The following MOCOS variants were observed in gnomAD, a reference collection of about 807,000 sequenced individuals.
MOCOS encodes human molybdenum cofactor sulfurase.
MOCOS carries 86 observed loss-of-function variants against 83.6 expected under a neutral mutation model. That is an observed-to-expected ratio of 1.03 (90% CI 0.86 to 1.23). The LOEUF (loss-of-function observed/expected upper bound fraction) is 1.23. Ranked by LOEUF, MOCOS falls within the 50% of genes most tolerant of loss-of-function variation. The pLI is 0.00. For synonymous variants in MOCOS, 445 were observed against 434.7 expected (o/e 1.02, Z -0.29); for missense variants, 1,120 against 1,126.9 (o/e 0.99, Z 0.09).
chr18:36,209,640 C>A (rs1369690393), intron 6 of MOCOS, among the ~76,000 whole-genome samples: 1 of 152,158 alleles, frequency 6.6e-6, no homozygotes, highest in East Asian at 1.9e-4. Flanking sequence ...GCCTCCAGCT[C>A]CATTCAAGTT....
chr18:36,258,658 C>T (rs1255174160), intron 12 of MOCOS, among the ~76,000 whole-genome samples: 2 of 152,084 alleles, frequency 1.3e-5, no homozygotes, highest in Non-Finnish European at 2.9e-5. Flanking sequence ...GAGGATTTAC[C>T]TCACACCAAC....
At chr18:36,259,498 A>G (rs2091654646) in intron 12 of MOCOS, among the ~76,000 whole-genome samples, 1 of 151,786 alleles carries the variant, frequency 6.6e-6, no homozygotes, top group African/African-American at 2.4e-5. Flanking sequence ...GTTACACTGC[A>G]AATAGAATGG....
intron 8 of MOCOS, among the ~76,000 whole-genome samples, chr18:36,217,988 C>G (rs617505): frequency 1.3e-5 from 2 of 151,844 alleles, no homozygotes; most frequent in African/African-American, 4.8e-5. Flanking sequence ...TATACCAGAA[C>G]GGTCAACCCA....
intron 9 of MOCOS, among the ~76,000 whole-genome samples, chr18:36,234,857 G>A (rs747107484): frequency 1.3e-5 from 2 of 152,162 alleles, no homozygotes; most frequent in African/African-American, 4.8e-5. Flanking sequence ...TGGCAAGAGA[G>A]AGAAGGGCAA....
intron 9 of MOCOS, among the ~76,000 whole-genome samples, chr18:36,235,887 G>A (rs1440614821): frequency 1.3e-5 from 2 of 151,600 alleles, no homozygotes; most frequent in Non-Finnish European, 2.9e-5. Context: ...GCCAGTGATG[G>A]TGAGCATTTT....
chr18:36,193,040 G>A (rs920944416), intron 1 of MOCOS, among the ~76,000 whole-genome samples: 4 of 151,934 alleles, frequency 2.6e-5, no homozygotes, highest in African/African-American at 7.3e-5. Flanking sequence ...GGCCGGGCGC[G>A]GTGGCTCACG....
At position 36,270,774 on chromosome 18, in the gene MOCOS, T is replaced by C. The variant is rs2091696799; in HGVS notation, c.*2089T>C. The C allele has an allele frequency of 6.6e-6, 1 of 151,700 alleles. No individual in the cohort carries two copies. The highest frequency in any genetic ancestry group is 1.5e-5 in the Non-Finnish European group (1 of 67,960). 9.4% of individuals were successfully genotyped at this position (151,700 alleles called of 1,614,324 possible). Reference sequence around the variant, plus strand: ...CAAGAATATGTTTTTCTTATCCACGTCTATGTCACCTTTTGCAGTAGATAC... The same window carrying C: ...CAAGAATATGTTTTTCTTATCCACGCCTATGTCACCTTTTGCAGTAGATAC... On this transcript the variant is annotated 3_prime_UTR_variant, in exon 15 of 15. Transcript: ENST00000261326.
chr18:36,245,605 G>A (rs1448515042), intron 9 of MOCOS, among the ~76,000 whole-genome samples: 2 of 152,116 alleles, frequency 1.3e-5, no homozygotes, highest in Non-Finnish European at 2.9e-5. Context: ...ATGTGCCTAG[G>A]TAATAATCCT....
chr18:36,254,253 A>G (rs528068966), intron 11 of MOCOS, among the ~76,000 whole-genome samples: 22 of 152,306 alleles, frequency 1.4e-4, no homozygotes, highest in Non-Finnish European at 2.5e-4. Flanking sequence ...TCATACTAAA[A>G]TTTTTACGTT....
intron 4 of MOCOS, among the ~76,000 whole-genome samples, chr18:36,202,336 GTAGAGATGGGGTCTTGCTATC>G (rs1386458265): frequency 7.9e-5 from 12 of 152,018 alleles, no homozygotes; most frequent in South Asian, 2.1e-4. Flanking sequence ...AAATTTTTTT[GTAGAGATGGGGTCTTGCTATC>G]TAGAGATGGG....
At position 36,249,006 on chromosome 18, in the gene MOCOS, ACT is replaced by A; in HGVS notation, c.2039+9_2039+10del. 1 of 1,613,524 alleles carries A rather than the reference ACT, an allele frequency of 6.2e-7. No individual in the cohort carries two copies. Among genetic ancestry groups the A allele is most frequent in the Non-Finnish European group, 8.5e-7 (1 of 1,179,508 alleles). ...AGCAGGGTCTGTGCTGACAGGTGAGACTCTGAAGCACGTGAAAATCTCAGCTT... is the reference window on the plus strand; with the variant it reads ...AGCAGGGTCTGTGCTGACAGGTGAGACTGAAGCACGTGAAAATCTCAGCTT... On this transcript the variant is annotated splice_region_variant and intron_variant, in intron 10 of 14. Coordinates refer to ENST00000261326, the MANE Select transcript of MOCOS (RefSeq NM_017947.4).
chr18:36,233,231 A>G (rs1377426012), intron 9 of MOCOS, among the ~76,000 whole-genome samples: 3 of 152,164 alleles, frequency 2.0e-5, no homozygotes, highest in Non-Finnish European at 4.4e-5. Context: ...ATGTCTTTAT[A>G]TCCCCATAGC....
At chr18:36,207,782 A>G (rs1262600501) in intron 6 of MOCOS, among the ~76,000 whole-genome samples, 2 of 151,882 alleles carry the variant, frequency 1.3e-5, no homozygotes. Flanking sequence ...TGCTGTGCCA[A>G]TGTTCATTAG....
At chr18:36,235,671 G>A (rs1463980964) in intron 9 of MOCOS, among the ~76,000 whole-genome samples, 1 of 151,350 alleles carries the variant, frequency 6.6e-6, no homozygotes, top group East Asian at 1.9e-4. Flanking sequence ...TGGGTCAAAT[G>A]GTATTTCTAG....
At chr18:36,190,977 C>A (rs1352123553) in intron 1 of MOCOS, among the ~76,000 whole-genome samples, 1 of 144,194 alleles carries the variant, frequency 6.9e-6, no homozygotes, top group African/African-American at 2.6e-5. Context: ...CAAGATTGAG[C>A]CCCTGCACTC....
At chr18:36,259,448 CAAAAA>C (rs397858504) in intron 12 of MOCOS, among the ~76,000 whole-genome samples, 6 of 92,422 alleles carry the variant, frequency 6.5e-5, no homozygotes, top group African/African-American at 2.6e-4. Flanking sequence ...GACCTTGTCT[CAAAAA>C]AAAAAAAAAA....
intron 7 of MOCOS, 21 bp from the exon 8 acceptor site, chr18:36,215,495 T>C: frequency 8.7e-6 from 14 of 1,609,672 alleles, no homozygotes; most frequent in Non-Finnish European, 1.2e-5. Flanking sequence ...CTCTGGCTGA[T>C]GCACTTCCCT....
intron 11 of MOCOS, among the ~76,000 whole-genome samples, chr18:36,253,036 A>AG (rs961314914): frequency 1.2e-4 from 19 of 152,298 alleles, no homozygotes; most frequent in African/African-American, 4.3e-4. Flanking sequence ...AGGCATTTCC[A>AG]GGGGTAGAGG....
chr18:36,259,493 A>G (rs2091654612), intron 12 of MOCOS, among the ~76,000 whole-genome samples: 1 of 151,116 alleles, frequency 6.6e-6, no homozygotes, highest in Non-Finnish European at 1.5e-5. Flanking sequence ...CAGATGTTAC[A>G]CTGCAAATAG....
Sources: allele counts gnomAD v4.1 joint callset (sites outside exome capture counted in the v4.1 genomes callset), GRCh38; gene constraint gnomAD v4.1.1; transcripts MANE v1.5; gene names NCBI Gene and HGNC (gene_info 2026-07-23, HGNC 2026-07-21).